The following ZNF521 variants were observed in gnomAD, a reference collection of about 807,000 sequenced individuals.
ZNF521 encodes zinc finger protein 521, also known as LYST-interacting protein 3.
ZNF521 carries 14 observed loss-of-function variants against 105.5 expected under a neutral mutation model. The ratio of observed to expected loss-of-function variants is 0.13; its 90% confidence interval spans 0.09 to 0.21. The LOEUF (loss-of-function observed/expected upper bound fraction) is 0.21, where lower values mean the gene tolerates loss of function less well. ZNF521 is among the 10% of genes least tolerant of loss of function. The pLI, the probability that ZNF521 is intolerant of heterozygous loss-of-function variation, is 1.00. For synonymous variants in ZNF521, 635 were observed against 606.0 expected (o/e 1.05, Z -0.70); for missense variants, 1,233 against 1,629.7 (o/e 0.76, Z 4.19).
intron 5 of ZNF521, among the ~76,000 whole-genome samples, chr18:25,134,570 T>A (rs1020250378): frequency 6.6e-6 from 1 of 152,156 alleles, no homozygotes; most frequent in Non-Finnish European, 1.5e-5. Flanking sequence ...AGACTGGGGA[T>A]GTGGGAAGCG....
At chr18:25,243,352 T>G (rs1399764591) in intron 3 of ZNF521, among the ~76,000 whole-genome samples, 1 of 152,154 alleles carries the variant, frequency 6.6e-6, no homozygotes, top group Non-Finnish European at 1.5e-5. Context: ...CCAAAATAAC[T>G]TCATTCCCTC....
At chr18:25,142,414 C>G (rs779639403) in intron 5 of ZNF521, among the ~76,000 whole-genome samples, 17 of 152,132 alleles carry the variant, frequency 1.1e-4, no homozygotes, top group Non-Finnish European at 2.1e-4. Flanking sequence ...CATTCCCAAA[C>G]AAAACTGATT....
intron 4 of ZNF521, among the ~76,000 whole-genome samples, chr18:25,198,392 T>C (rs1194445896): frequency 6.6e-6 from 1 of 151,804 alleles, no homozygotes. Context: ...AGATGCTTAA[T>C]AATATATAGT....
At chr18:25,176,022 A>T (rs1033211393) in intron 5 of ZNF521, among the ~76,000 whole-genome samples, 3 of 152,226 alleles carry the variant, frequency 2.0e-5, no homozygotes, top group Admixed American at 6.5e-5. Flanking sequence ...GCTCAGTTTT[A>T]AAATGATTAA....
chr18:25,261,660 C>CT (rs138854571), intron 3 of ZNF521, among the ~76,000 whole-genome samples: 153 of 148,258 alleles, frequency 1.0e-3, no homozygotes, highest in Middle Eastern at 3.5e-3. Context: ...TGTGTATATG[C>CT]TTTTTTTTTT....
In ZNF521 at chr18:25,322,128, T is replaced by A. The variant is rs760141329; in HGVS notation, c.100A>T (p.Arg34Trp). The A allele has an allele frequency of 2.8e-5, 45 of 1,614,094 alleles. 2 individuals are homozygous for A. In the South Asian group the frequency reaches 4.7e-4, roughly 17 times the overall value. The part of the protein sequence containing the change: ...EDGEALDCKK[R>W]PEDGEELEDE... ...TCCAACTCCTCCCCGTCTTCCGGCC[T>A]CTTCTTACAATCTAGTGCCTCTCCA... Residue 34 changes from arginine to tryptophan, a missense_variant, in exon 3 of 8, where the codon AGG becomes TGG. Physicochemically the swap from Arg to Trp is moderately radical, Grantham distance 101. Around this residue, in one of 6 missense-constraint regions of ZNF521, gnomAD observed 76 missense variants for 79.3 expected, o/e 0.96. Transcript: ENST00000361524.
At position 25,339,280 on chromosome 18, in the gene ZNF521, C is replaced by A. The variant is rs76202027; in HGVS notation, c.40+11627G>T. Among the ~76,000 whole-genome samples, 1,323 of 152,272 alleles carry A rather than the reference C, an allele frequency of 8.7e-3. 15 individuals are homozygous for A. Among genetic ancestry groups the A allele is most frequent in the African/African-American group, 0.031 (1,269 of 41,532 alleles). On this transcript the variant is annotated intron_variant, in intron 2 of 7. Coordinates refer to ENST00000361524, the MANE Select transcript of ZNF521 (RefSeq NM_015461.3). ...GGTCTGACTGGTTCCATATTGTCTC[C>A]CTAGAACCTGACACATACTTGGTGC... is the stretch of plus-strand genomic sequence containing the variant.
intron 7 of ZNF521, among the ~76,000 whole-genome samples, chr18:25,085,650 T>C (rs1420312098): frequency 1.9e-5 from 2 of 102,866 alleles, no homozygotes; most frequent in Admixed American, 2.1e-4. Flanking sequence ...TCCCCATATA[T>C]ATATGTGTGT....
chr18:25,210,047 A>C (rs2036151269), intron 4 of ZNF521, among the ~76,000 whole-genome samples: 1 of 152,180 alleles, frequency 6.6e-6, no homozygotes, highest in South Asian at 2.1e-4. Flanking sequence ...TTATAATAAC[A>C]AATTGAAAAA....
At position 25,224,062 on chromosome 18, in the gene ZNF521, C is replaced by A. The variant is rs534660625; in HGVS notation, c.3573+283G>T. The A allele has an allele frequency of 2.2e-5, 8 of 359,220 alleles. No homozygotes were observed. The East Asian group carries it at 2.9e-4, about 13-fold the overall frequency. 22.3% of individuals were successfully genotyped at this position (359,220 alleles called of 1,614,324 possible). A position where few individuals can be genotyped will look rare whatever the true frequency, so the allele number is the denominator to read the frequency against. On this transcript the variant is annotated intron_variant, in intron 4 of 7. Coordinates refer to ENST00000361524, the MANE Select transcript of ZNF521 (RefSeq NM_015461.3). ...GTGAAGCTATGCTGAGATTCCAGAT[C>A]TCAGTAGTGTTGGCATGAGCGCTGG...
intron 2 of ZNF521, among the ~76,000 whole-genome samples, chr18:25,326,583 A>G (rs890133728): frequency 1.8e-4 from 27 of 152,216 alleles, no homozygotes; most frequent in African/African-American, 6.5e-4. Context: ...TAATGGTAAG[A>G]GCCAGAGCCT....
intron 3 of ZNF521, among the ~76,000 whole-genome samples, chr18:25,269,651 C>G (rs542577518): frequency 6.6e-6 from 1 of 152,292 alleles, no homozygotes; most frequent in African/African-American, 2.4e-5. Flanking sequence ...CAAAACTGCA[C>G]AACTACATGG....
chr18:25,310,438 A>AC (rs1912238641), intron 3 of ZNF521, among the ~76,000 whole-genome samples: 1 of 151,936 alleles, frequency 6.6e-6, no homozygotes, highest in Admixed American at 6.6e-5. Context: ...GAAAACAAAA[A>AC]AAAAAAGAGG....
At chr18:25,074,061 C>T (rs199970678) in intron 7 of ZNF521, among the ~76,000 whole-genome samples, 57 of 118,126 alleles carry the variant, frequency 4.8e-4, no homozygotes, top group African/African-American at 1.7e-3. Flanking sequence ...CACATGTGTG[C>T]GCACGCGTGT....
chr18:25,062,876 C>G, intron 7 of ZNF521, 135 bp from the exon 8 acceptor site: 2 of 876,146 alleles, frequency 2.3e-6, no homozygotes, highest in Non-Finnish European at 3.3e-6. Context: ...TTGAACAGAA[C>G]AATGAGTTTC....
chr18:25,118,303 T>C lies in ZNF521; in HGVS notation c.3659-26222A>G, dbSNP rs2034368959. ...TATAAAGAGTTCTTCTTCAGACTGA[T>C]GGGATATTAGACCAGATGAAAGCTT... On this transcript the variant is annotated intron_variant, in intron 5 of 7. Transcript: ENST00000361524. Among the ~76,000 whole-genome samples the C allele has an allele frequency of 2.0e-5, 3 of 152,094 alleles. No homozygotes were observed. The South Asian group carries it at 6.2e-4, about 32-fold the overall frequency.
intron 7 of ZNF521, among the ~76,000 whole-genome samples, chr18:25,071,268 G>A (rs757052157): frequency 3.3e-5 from 5 of 152,146 alleles, no homozygotes; most frequent in Non-Finnish European, 7.3e-5. Context: ...TACAGAAACT[G>A]TAGAAAGAAT....
intron 7 of ZNF521, among the ~76,000 whole-genome samples, chr18:25,076,046 C>T (rs554964170): frequency 1.3e-5 from 2 of 152,276 alleles, no homozygotes; most frequent in Admixed American, 1.3e-4. Flanking sequence ...ATGTGTCACC[C>T]ACAAGTTAAA....
chr18:25,216,470 C>A (rs552451258), intron 4 of ZNF521, among the ~76,000 whole-genome samples: 6 of 152,304 alleles, frequency 3.9e-5, no homozygotes, highest in Non-Finnish European at 7.4e-5. Flanking sequence ...CTCTGAAGGA[C>A]TTACACTGTA....
Sources: gnomAD v4.1 joint callset for allele counts (sites outside exome capture counted in the v4.1 genomes callset) on GRCh38, gnomAD v4.1.1 for gene constraint, gnomAD v4.1.1 regional missense constraint, MANE v1.5 for transcripts, NCBI Gene and HGNC (gene_info 2026-07-23, HGNC 2026-07-21) for gene names.